Variants in IFFO1 observed in about 807,000 individuals in gnomAD.
IFFO1 encodes the protein intermediate filament family orphan 1.
A neutral mutation model predicts 59.6 loss-of-function variants in IFFO1; 42 were observed. The observed-to-expected ratio is 0.70, with a 90% confidence interval of 0.55 to 0.91. The LOEUF is 0.91. Among genes scored for constraint, IFFO1 ranks in the 40% least tolerant of loss-of-function variants. The probability of loss-of-function intolerance (pLI) is 0.00; values close to 1 mark genes in which losing one functional copy is unlikely to be tolerated. For synonymous variants in IFFO1, 336 were observed against 342.8 expected (o/e 0.98, Z 0.22); for missense variants, 711 against 793.2 (o/e 0.90, Z 1.24).
In IFFO1 at chr12:6,555,267, A is replaced by T; in HGVS notation, c.763T>A (p.Tyr255Asn). The T allele has an allele frequency of 1.2e-6, 2 of 1,613,566 alleles. No homozygotes were observed. The highest frequency in any genetic ancestry group is 8.5e-7 in the Non-Finnish European group (1 of 1,179,854). ...TTTCCCAATCCCTACCTCCGCTTGT[A>T]CTCGTCCCGCTCCCGCTTCACTTTG... The part of the protein sequence containing the change: ...LAKVKRERDE[Y>N]KRRWEEEYTV... Residue 255 changes from tyrosine to asparagine, a missense_variant, in exon 1 of 10, where the codon TAC becomes AAC. Physicochemically the swap from Tyr to Asn is moderately radical, Grantham distance 143. This residue lies in a region of IFFO1 where 579 missense variants were observed against 650.3 expected (regional missense o/e 0.89). Transcript: ENST00000619571. The surrounding 1 kb of genome is among the most constrained non-coding windows in gnomAD (Gnocchi z 8.6).
Position 6,540,372 on chromosome 12 carries a change from G to C in IFFO1, c.*111C>G. The C allele has an allele frequency of 1.1e-6, 1 of 898,570 alleles. No individual in the cohort carries two copies. Among genetic ancestry groups the C allele is most frequent in the African/African-American group, 1.6e-5 (1 of 61,372 alleles). The allele number at this position is 898,570 out of a possible 1,614,324, so 55.7% of individuals were successfully genotyped here. ...GAGGGAGGAGCGCCCCAGTCCCCAGGGACCGGCCTGGTGCAGAGCTGCAGC... is the reference window on the plus strand; with the variant it reads ...GAGGGAGGAGCGCCCCAGTCCCCAGCGACCGGCCTGGTGCAGAGCTGCAGC... On this transcript the variant is annotated 3_prime_UTR_variant, in exon 10 of 10. Coordinates refer to ENST00000619571, the MANE Select transcript of IFFO1 (RefSeq NM_001193457.2).
At chr12:6,553,930 G>A (rs1471506344) in intron 1 of IFFO1, among the ~76,000 whole-genome samples, 1 of 152,186 alleles carries the variant, frequency 6.6e-6, no homozygotes, top group African/African-American at 2.4e-5. Context: ...ACTAGTGCAG[G>A]AGAACACTAC....
At chr12:6,544,165 CTTTTT>C (rs531995265) in intron 8 of IFFO1, among the ~76,000 whole-genome samples, 2 of 136,706 alleles carry the variant, frequency 1.5e-5, no homozygotes, top group African/African-American at 5.6e-5. Flanking sequence ...TTTGAAAATA[CTTTTT>C]TTTTTTTTTT....
In IFFO1 at chr12:6,555,691, C is replaced by G; in HGVS notation, c.339G>C (p.Lys113Asn). 1 of 1,611,358 alleles carries G rather than the reference C, an allele frequency of 6.2e-7. No individual in the cohort carries two copies. Among genetic ancestry groups the G allele is most frequent in the South Asian group, 1.1e-5 (1 of 90,904 alleles). The change falls in exon 1 of 10, where the codon AAG becomes AAC. Residue 113 changes from lysine (K) to asparagine (N), a missense_variant. Coordinates refer to ENST00000619571, the MANE Select transcript of IFFO1 (RefSeq NM_001193457.2). This position sits in a 1 kb window ranked among gnomAD's most constrained non-coding sequence, Gnocchi z 8.6. ...KQLQQALEEG[K>N]QGRRGLGRRD... The stretch of plus-strand genomic sequence containing the variant: ...GACGACCCAGGCCCCGCCGGCCCTG[C>G]TTACCCTCCTCCAGCGCTTGCTGCA...
At position 6,549,427 on chromosome 12, in the gene IFFO1, T is replaced by G; in HGVS notation, c.1080+49A>C. Reference sequence around the variant, plus strand: ...TGAGGGCCAGGAGGCCTAGGCAGCTTAGAAACTGGGACTGGGACATTAATA... The same window carrying G: ...TGAGGGCCAGGAGGCCTAGGCAGCTGAGAAACTGGGACTGGGACATTAATA... On this transcript the variant is annotated intron_variant, in intron 5 of 9. Transcript: ENST00000619571. The surrounding 1 kb of genome is among the most constrained non-coding windows in gnomAD (Gnocchi z 5.0). The G allele has an allele frequency of 6.2e-7, 1 of 1,612,554 alleles. No individual in the cohort carries two copies. The highest frequency in any genetic ancestry group is 8.5e-7 in the Non-Finnish European group (1 of 1,178,692).
At position 6,540,529 on chromosome 12, in the gene IFFO1, G is replaced by T. The variant is rs776158706; in HGVS notation, c.1670C>A (p.Ala557Asp). 1.2e-6 allele frequency: 2 copies of T among 1,614,092 alleles called. No individual in the cohort carries two copies. The highest frequency in any genetic ancestry group is 1.7e-6 in the Non-Finnish European group (2 of 1,180,034). ...LSDPPPPPSE[A>D]EDSDRDVSSD... ...TGAGACATCGCGATCGGAGTCCTCA[G>T]CCTCGCTTGGCGGCGGCGGCGGGTC... The change falls in exon 10 of 10, where the codon GCT becomes GAT. Residue 557 changes from alanine (A) to aspartate (D), a missense_variant. By Grantham distance (126) the Ala-to-Asp change is moderately radical. Transcript: ENST00000619571.
rs750065378 is a variant in IFFO1 at position 6,549,748 on chromosome 12, G to C, written c.1071+8C>G. ...ACCCCTGAGAGCAGAGGGCAGCTCC[G>C]TCCTCACCTGGAACATCTGGATCAT... On this transcript the variant is annotated splice_region_variant and intron_variant, in intron 4 of 9. Transcript: ENST00000619571. The surrounding 1 kb of genome is among the most constrained non-coding windows in gnomAD (Gnocchi z 5.0). 1 of 1,610,302 alleles carries C rather than the reference G, an allele frequency of 6.2e-7. No individual in the cohort carries two copies. The highest frequency in any genetic ancestry group is 8.5e-7 in the Non-Finnish European group (1 of 1,177,082).
rs778506953 is a variant in IFFO1 at position 6,541,585 on chromosome 12, T to C, written c.1537A>G (p.Met513Val). 2 of 1,614,146 alleles carry C rather than the reference T, an allele frequency of 1.2e-6. No homozygotes were observed. The highest frequency in any genetic ancestry group is 1.7e-6 in the Non-Finnish European group (2 of 1,180,008). Reference protein sequence around the residue: ...MNRHLHEYMEMCSMKRGLDVQ... With the variant: ...MNRHLHEYMEVCSMKRGLDVQ... Reference sequence around the variant, plus strand: ...TCCAGGCCGCGCTTCATGCTGCACATCTCCATGTACTCGTGCAGGTGCCGG... The same window carrying C: ...TCCAGGCCGCGCTTCATGCTGCACACCTCCATGTACTCGTGCAGGTGCCGG... The change falls in exon 9 of 10, where the codon ATG (methionine) becomes GTG (valine). Residue 513 changes from methionine to valine, a missense_variant. Physicochemically the swap from Met to Val is conservative, Grantham distance 21. Coordinates refer to ENST00000619571, the MANE Select transcript of IFFO1 (RefSeq NM_001193457.2). This position sits in a 1 kb window ranked among gnomAD's most constrained non-coding sequence, Gnocchi z 4.8.
At chr12:6,543,151 G>C (rs1223769134) in intron 8 of IFFO1, among the ~76,000 whole-genome samples, 1 of 152,162 alleles carries the variant, frequency 6.6e-6, no homozygotes, top group East Asian at 1.9e-4. Context: ...ACCACTCTGG[G>C]CCTTGGCTTT....
In IFFO1 at chr12:6,551,053, C is replaced by A. The variant is rs7312991; in HGVS notation, c.774-52G>T. The A allele has an allele frequency of 1.9e-6, 3 of 1,568,600 alleles. No individual in the cohort carries two copies. In the East Asian group the frequency reaches 6.7e-5, roughly 35 times the overall value. The stretch of plus-strand genomic sequence containing the variant: ...AGCTTAGGTACAGAGTCCTTCCCTG[C>A]CCCCATGGCTCCCTGTCCCCACCTC... On this transcript the variant is annotated intron_variant, in intron 1 of 9. Transcript: ENST00000619571.
intron 8 of IFFO1, among the ~76,000 whole-genome samples, chr12:6,544,546 G>A (rs980686380): frequency 1.3e-5 from 2 of 152,204 alleles, no homozygotes; most frequent in African/African-American, 4.8e-5. Context: ...CTGGGCACTT[G>A]AGGTCCAGGG....
At chr12:6,546,284 A>C (rs10774437) in intron 8 of IFFO1, among the ~76,000 whole-genome samples, 54,911 of 152,058 alleles carry the variant, frequency 0.36, 11,074 homozygotes, top group African/African-American at 0.53. Flanking sequence ...ACATGCCCTG[A>C]AGATAAGGGG....
At position 6,549,190 on chromosome 12, in the gene IFFO1, T is replaced by G. The variant is rs1024278823; in HGVS notation, c.1080+286A>C. ...AGTCTTTTTGATTAAATGACTCAAC[T>G]AAAAAAAAAAAAGCTTTAGGACGCA... is the stretch of plus-strand genomic sequence containing the variant. On this transcript the variant is annotated intron_variant, in intron 5 of 9. Transcript: ENST00000619571. The surrounding 1 kb of genome is among the most constrained non-coding windows in gnomAD (Gnocchi z 5.0). 24 of 437,216 alleles carry G rather than the reference T, an allele frequency of 5.5e-5. No homozygotes were observed. The highest frequency in any genetic ancestry group is 7.6e-5 in the Non-Finnish European group (19 of 249,296). The allele number at this position is 437,216 out of a possible 1,614,324, so 27.1% of individuals were successfully genotyped here.
In IFFO1 at chr12:6,541,580, G is replaced by C. The variant is rs567131719; in HGVS notation, c.1542C>G (p.Cys514Trp). 6.2e-7 allele frequency: 1 copy of C among 1,614,202 alleles called. No homozygotes were observed. Among genetic ancestry groups the C allele is most frequent in the South Asian group, 1.1e-5 (1 of 91,090 alleles). ...GCACGTCCAGGCCGCGCTTCATGCT[G>C]CACATCTCCATGTACTCGTGCAGGT... ...NRHLHEYMEM[C>W]SMKRGLDVQM... is the part of the protein sequence containing the mutation. Residue 514 changes from cysteine (C) to tryptophan (W), a missense_variant, in exon 9 of 10, where the codon TGC (cysteine) becomes TGG (tryptophan). This residue lies in a region of IFFO1 where 579 missense variants were observed against 650.3 expected (regional missense o/e 0.89). Coordinates refer to ENST00000619571, the MANE Select transcript of IFFO1 (RefSeq NM_001193457.2). This position sits in a 1 kb window ranked among gnomAD's most constrained non-coding sequence, Gnocchi z 4.8.
At position 6,555,862 on chromosome 12, in the gene IFFO1, C is replaced by G. The variant is rs369830873; in HGVS notation, c.168G>C (p.Pro56=). 5 of 1,605,838 alleles carry G rather than the reference C, an allele frequency of 3.1e-6. No individual in the cohort carries two copies. In the Admixed American group the frequency reaches 5.0e-5, roughly 16 times the overall value. Reference sequence around the variant, plus strand: ...CCATGGCGGCAGGCGGGGCCGGGCCCGGCCCGGGCGGCGAGTAGGCAGCAG... The same window carrying G: ...CCATGGCGGCAGGCGGGGCCGGGCCGGGCCCGGGCGGCGAGTAGGCAGCAG... ...AGPAAYSPPG[P]GPAPPAAMAL... The change falls in exon 1 of 10, where the codon CCG becomes CCC. Residue 56 remains proline, a synonymous_variant. Coordinates refer to ENST00000619571, the MANE Select transcript of IFFO1 (RefSeq NM_001193457.2). This position sits in a 1 kb window ranked among gnomAD's most constrained non-coding sequence, Gnocchi z 8.6.
rs770456079 is a variant in IFFO1, at chr12:6,540,601, A to G, written c.1611-13T>C. 1.4e-5 allele frequency: 22 copies of G among 1,608,468 alleles called. No individual in the cohort carries two copies. The highest frequency in any genetic ancestry group is 1.7e-5 in the Non-Finnish European group (20 of 1,175,706). Reference sequence around the variant, plus strand: ...AGCAGGAGACTTTCTAGAAAAAAACACCAGTTGTCAACCTTGGGGCAGGCA... The same window carrying G: ...AGCAGGAGACTTTCTAGAAAAAAACGCCAGTTGTCAACCTTGGGGCAGGCA... On this transcript the variant is annotated splice_polypyrimidine_tract_variant and intron_variant, in intron 9 of 9. Transcript: ENST00000619571.
At chr12:6,544,102 T>C (rs1055769598) in intron 8 of IFFO1, among the ~76,000 whole-genome samples, 7 of 151,988 alleles carry the variant, frequency 4.6e-5, no homozygotes, top group South Asian at 4.2e-4. Flanking sequence ...ACCAAAAAGG[T>C]TGGGGACTGC....
chr12:6,548,949 G>A lies in IFFO1; in HGVS notation c.1081-100C>T. ...GAGAAGCATGAACCAGTAGGAAGGG[G>A]GGGCAGACAGAGAGAAAAGTCACAG... On this transcript the variant is annotated intron_variant, in intron 5 of 9. Coordinates refer to ENST00000619571, the MANE Select transcript of IFFO1 (RefSeq NM_001193457.2). The surrounding 1 kb of genome is among the most constrained non-coding windows in gnomAD (Gnocchi z 6.1). 1 of 962,000 alleles carries A rather than the reference G, an allele frequency of 1.0e-6. No homozygotes were observed. The highest frequency in any genetic ancestry group is 1.5e-6 in the Non-Finnish European group (1 of 649,710). 59.6% of individuals were successfully genotyped at this position (962,000 alleles called of 1,614,324 possible).
At position 6,549,801 on chromosome 12, in the gene IFFO1, A is replaced by G. The variant is rs1420012909; in HGVS notation, c.1026T>C (p.Asp342=). ...CCTCGCAGTTGCGCTGCTGAGCCAC[A>G]TCGCAGAGCTTGGCGGTGATGTCGA... is the stretch of plus-strand genomic sequence containing the variant. The part of the protein sequence containing the change: ...RRIDITAKLC[D]VAQQRNCEDM... Residue 342 remains aspartate, a synonymous_variant, in exon 4 of 10, where the codon GAT becomes GAC. Transcript: ENST00000619571. This position sits in a 1 kb window ranked among gnomAD's most constrained non-coding sequence, Gnocchi z 5.0. 13 of 1,614,168 alleles carry G rather than the reference A, an allele frequency of 8.1e-6. No individual in the cohort carries two copies. The highest frequency in any genetic ancestry group is 1.1e-5 in the Non-Finnish European group (13 of 1,179,998).
Sources: allele counts gnomAD v4.1 joint callset (sites outside exome capture counted in the v4.1 genomes callset), GRCh38; gene constraint gnomAD v4.1.1; regional missense constraint gnomAD v4.1.1; non-coding constraint Gnocchi (gnomAD v3.1); transcripts MANE v1.5; gene names NCBI Gene and HGNC (gene_info 2026-07-23, HGNC 2026-07-21).